Variants in MAP4 observed in about 807,000 individuals in gnomAD.
The protein encoded by MAP4 is microtubule associated protein 4, also known as microtubule-associated protein 4.
A neutral mutation model predicts 170.2 loss-of-function variants in MAP4; 76 were observed. The observed-to-expected ratio is 0.45, with a 90% confidence interval of 0.37 to 0.54. MAP4 has a LOEUF of 0.54. Ranked by LOEUF, MAP4 falls within the 20% of genes least tolerant of loss-of-function variation. The pLI, the probability that MAP4 is intolerant of heterozygous loss-of-function variation, is 0.00. For missense variants in MAP4, 2,506 were observed against 2,748.0 expected (o/e 0.91, Z 1.97); for synonymous variants, 909 against 994.5 (o/e 0.91, Z 1.62).
At chr3:48,014,442 CT>C (rs1030900316) in intron 1 of MAP4, among the ~76,000 whole-genome samples, 3 of 152,122 alleles carry the variant, frequency 2.0e-5, no homozygotes, top group Non-Finnish European at 1.5e-5. Flanking sequence ...AGGGAAAAAA[CT>C]CATGAAAAGC....
chr3:47,949,546 C>T (rs1386000998), intron 3 of MAP4, among the ~76,000 whole-genome samples: 1 of 150,726 alleles, frequency 6.6e-6, no homozygotes, highest in African/African-American at 2.4e-5. Context: ...CAACATAGTA[C>T]CAGGAATGAT....
chr3:48,002,133 C>A (rs1272325679), intron 1 of MAP4, among the ~76,000 whole-genome samples: 4 of 151,252 alleles, frequency 2.6e-5, no homozygotes, highest in African/African-American at 9.7e-5. Context: ...GAGTTCCAAG[C>A]TATAGTGTGC....
chr3:48,038,854 CAT>C (rs2100120186), intron 1 of MAP4, among the ~76,000 whole-genome samples: 1 of 152,144 alleles, frequency 6.6e-6, no homozygotes, highest in Non-Finnish European at 1.5e-5. Flanking sequence ...GTAATCCCAG[CAT>C]TTTGGGAGGC....
chr3:48,062,494 T>TAAAA (rs1156947592), intron 1 of MAP4, among the ~76,000 whole-genome samples: 1,096 of 80,482 alleles, frequency 0.014, 20 homozygotes, highest in Non-Finnish European at 0.017. Flanking sequence ...GAATGATCAA[T>TAAAA]AAAAAAAAAA....
At chr3:47,964,766 T>G (rs2100073838) in intron 3 of MAP4, among the ~76,000 whole-genome samples, 2 of 152,240 alleles carry the variant, frequency 1.3e-5, no homozygotes, top group South Asian at 4.1e-4. Context: ...ACAAAATACC[T>G]AACATATAAA....
intron 10 of MAP4, among the ~76,000 whole-genome samples, chr3:47,897,046 A>T (rs1407451488): frequency 1.3e-5 from 2 of 152,194 alleles, no homozygotes; most frequent in African/African-American, 2.4e-5. Context: ...GCCACAAAGA[A>T]GATGCTAGGT....
At chr3:47,987,416 G>A (rs1279564889) in intron 2 of MAP4, 2 of 1,532,644 alleles carry the variant, frequency 1.3e-6, no homozygotes, top group Admixed American at 2.0e-5. Context: ...CTGGCAGGGT[G>A]TGGGGGTAGT....
intron 3 of MAP4, among the ~76,000 whole-genome samples, chr3:47,967,959 C>CA (rs1479504214): frequency 1.3e-5 from 2 of 151,872 alleles, no homozygotes; most frequent in East Asian, 1.9e-4. Flanking sequence ...TGCCTCAAAA[C>CA]AAAAAAACAC....
intron 7 of MAP4, 87 bp downstream of exon 7, chr3:47,915,864 A>G: frequency 6.9e-7 from 1 of 1,444,596 alleles, no homozygotes; most frequent in Non-Finnish European, 9.3e-7. Context: ...GACTGTCTGT[A>G]CTTTACCTGG....
At chr3:47,902,087 G>A (rs531680609) in intron 10 of MAP4, among the ~76,000 whole-genome samples, 5 of 152,300 alleles carry the variant, frequency 3.3e-5, no homozygotes, top group Admixed American at 2.6e-4. Context: ...CTGGGAGGTC[G>A]AGGCTGTAGT....
At chr3:48,049,252 G>C (rs1304726227) in intron 1 of MAP4, among the ~76,000 whole-genome samples, 1 of 152,196 alleles carries the variant, frequency 6.6e-6, no homozygotes, top group Non-Finnish European at 1.5e-5. Context: ...GTTTTTAAGT[G>C]AACATAAATT....
intron 16 of MAP4, among the ~76,000 whole-genome samples, chr3:47,868,126 G>C (rs555715107): frequency 6.6e-6 from 1 of 152,186 alleles, no homozygotes; most frequent in African/African-American, 2.4e-5. Flanking sequence ...AATCCTGGGG[G>C]CACAACCACA....
At chr3:47,993,473 C>T (rs1216209327) in intron 2 of MAP4, among the ~76,000 whole-genome samples, 1 of 152,078 alleles carries the variant, frequency 6.6e-6, no homozygotes, top group African/African-American at 2.4e-5. Flanking sequence ...TAGCCAATAC[C>T]ACAGACATCT....
chr3:47,983,053 C>T (rs114085622), intron 2 of MAP4, among the ~76,000 whole-genome samples: 6 of 151,926 alleles, frequency 3.9e-5, no homozygotes, highest in South Asian at 2.1e-4. Context: ...TACAGGCGTG[C>T]GCCACCACTC....
chr3:47,960,212 G>A lies in MAP4; in HGVS notation c.292+17653C>T, dbSNP rs546085265. On this transcript the variant is annotated intron_variant, in intron 3 of 20. Transcript: ENST00000683076. ...CACATGCTGCAGCCATCTTTAACCTGTTTAACTTAATGATTATAGTTTTGT... is the reference window on the plus strand; with the variant it reads ...CACATGCTGCAGCCATCTTTAACCTATTTAACTTAATGATTATAGTTTTGT... 6 of 159,206 alleles carry A rather than the reference G, an allele frequency of 3.8e-5. 1 individual carries two copies. The East Asian group carries it at 8.4e-4, about 22-fold the overall frequency. The allele number at this position is 159,206 out of a possible 1,614,324, so 9.9% of individuals were successfully genotyped here.
intron 6 of MAP4, 99 bp from the exon 7 acceptor site, chr3:47,917,273 T>C: frequency 1.1e-6 from 1 of 937,688 alleles, no homozygotes; most frequent in Admixed American, 2.2e-5. Context: ...TTTGTGACCA[T>C]AAGACTGTAC....
rs1308994597 is a variant in MAP4, at chr3:47,915,073, A to G, written c.1877-134T>C. On this transcript the variant is annotated intron_variant, in intron 7 of 20. Transcript: ENST00000683076. ...AGGGGCAGCAAAGGAGTGAAGTGGTAGTTGGAAGCTGAAGTTGGGAAGGTA... is the reference window on the plus strand; with the variant it reads ...AGGGGCAGCAAAGGAGTGAAGTGGTGGTTGGAAGCTGAAGTTGGGAAGGTA... 1.4e-5 allele frequency: 14 copies of G among 985,302 alleles called. 1 individual carries two copies. Among genetic ancestry groups the G allele is most frequent in the South Asian group, 6.2e-5 (4 of 64,820 alleles). 61.0% of individuals were successfully genotyped at this position (985,302 alleles called of 1,614,324 possible). A position where few individuals can be genotyped will look rare whatever the true frequency, so the allele number is the denominator to read the frequency against.
chr3:47,990,230 C>T (rs751847186), intron 2 of MAP4, among the ~76,000 whole-genome samples: 1 of 152,214 alleles, frequency 6.6e-6, no homozygotes, highest in Admixed American at 6.5e-5. Flanking sequence ...TAATAGTTGT[C>T]ACTTAGGCCC....
chr3:48,055,313 T>G (rs1435701559), intron 1 of MAP4, among the ~76,000 whole-genome samples: 1 of 152,132 alleles, frequency 6.6e-6, no homozygotes. Context: ...GCAACCTCCC[T>G]GCCTGATTCT....
Sources: gnomAD v4.1 joint callset for allele counts (sites outside exome capture counted in the v4.1 genomes callset) on GRCh38, gnomAD v4.1.1 for gene constraint, MANE v1.5 for transcripts, NCBI Gene and HGNC (gene_info 2026-07-23, HGNC 2026-07-21) for gene names.